Variants in MYO18A observed in about 807,000 individuals in gnomAD.
The protein encoded by MYO18A is myosin XVIIIA, also known as unconventional myosin-XVIIIa.
In MYO18A, 78 loss-of-function variants were observed where a neutral mutation model predicts 235.8. That is an observed-to-expected ratio of 0.33 (90% CI 0.28 to 0.40). The LOEUF (loss-of-function observed/expected upper bound fraction) is 0.40. Among genes scored for constraint, MYO18A ranks in the 10% least tolerant of loss-of-function variants. The pLI, the probability that MYO18A is intolerant of heterozygous loss-of-function variation, is 1.00. For synonymous variants in MYO18A, 977 were observed against 1,077.8 expected, an observed-to-expected ratio of 0.91 and a Z score of 1.83; for missense variants, 2,215 against 2,699.3, an observed-to-expected ratio of 0.82 and a Z score of 3.98.
chr17:29,152,429 A>G (rs1388464744), intron 2 of MYO18A, among the ~76,000 whole-genome samples: 1 of 152,196 alleles, frequency 6.6e-6, no homozygotes, highest in Non-Finnish European at 1.5e-5. Flanking sequence ...AATTTTAAAA[A>G]CTGGAATCAA....
intron 26 of MYO18A, 91 bp downstream of exon 26, chr17:29,097,697 A>G (rs1274298765): frequency 1.0e-5 from 11 of 1,095,824 alleles, no homozygotes; most frequent in Non-Finnish European, 1.5e-5. Flanking sequence ...TGGAGGGGAG[A>G]CAGGCCTGGA....
At position 29,090,608 on chromosome 17, in the gene MYO18A, C is replaced by G. The variant is rs773868207; in HGVS notation, c.5312G>C (p.Arg1771Pro). 6.3e-7 allele frequency: 1 copy of G among 1,598,640 alleles called. No homozygotes were observed. Residue 1771 changes from arginine (R) to proline (P), a missense_variant, in exon 36 of 42, where the codon CGG (arginine) becomes CCG (proline). Transcript: ENST00000527372. ...KHKAAVAQASRDLAQINDLQA... is the reference protein window; with the variant it reads ...KHKAAVAQASPDLAQINDLQA... ...GAGATCATTTATCTGAGCCAGGTCC[C>G]GGGAAGCCTGGGAAAGGAATGAGAG...
At chr17:29,096,625 A>G (rs1283563607) in intron 28 of MYO18A, 136 bp downstream of exon 28, 4 of 1,168,822 alleles carry the variant, frequency 3.4e-6, no homozygotes, top group Non-Finnish European at 4.6e-6. Context: ...TCACGTTCCA[A>G]GATGAGTGAC....
intron 20 of MYO18A, 81 bp from the exon 21 acceptor site, chr17:29,103,745 C>T: frequency 7.4e-7 from 1 of 1,344,766 alleles, no homozygotes; most frequent in Non-Finnish European, 1.1e-6. Context: ...CTTGGCCCTT[C>T]CCCTCCCTCC....
chr17:29,108,833 G>C (rs553684178), intron 19 of MYO18A, among the ~76,000 whole-genome samples: 1 of 152,182 alleles, frequency 6.6e-6, no homozygotes, highest in Admixed American at 6.5e-5. Context: ...GCTGGGGGCC[G>C]GGTGAGGGAA....
Position 29,090,628 on chromosome 17 carries a change from T to A in MYO18A, c.5305-13A>T. 1 of 1,595,518 alleles carries A rather than the reference T, an allele frequency of 6.3e-7. No homozygotes were observed. Among genetic ancestry groups the A allele is most frequent in the Non-Finnish European group, 8.5e-7 (1 of 1,170,328 alleles). On this transcript the variant is annotated splice_polypyrimidine_tract_variant and intron_variant, in intron 35 of 41. Transcript: ENST00000527372. ...GGTCCCGGGAAGCCTGGGAAAGGAA[T>A]GAGAGCATCAGAAGCAGGATCCCCC...
In MYO18A at chr17:29,111,669, C is replaced by T; in HGVS notation, c.2740+53G>A. 6.2e-7 allele frequency: 1 copy of T among 1,611,948 alleles called. No individual in the cohort carries two copies. On this transcript the variant is annotated intron_variant, in intron 16 of 41. Coordinates refer to ENST00000527372, the MANE Select transcript of MYO18A (RefSeq NM_078471.4). The surrounding 1 kb of genome is among the most constrained non-coding windows in gnomAD (Gnocchi z 5.1). ...CCCTCCCAGGGAGTGCCACCTGGAC[C>T]CACCTGTATGTAAGAGGAAGCAGAG...
chr17:29,092,335 C>T lies in MYO18A; in HGVS notation c.5187+8G>A. 6.2e-7 allele frequency: 1 copy of T among 1,605,642 alleles called. No homozygotes were observed. The highest frequency in any genetic ancestry group is 8.5e-7 in the Non-Finnish European group (1 of 1,177,652). On this transcript the variant is annotated splice_region_variant and intron_variant, in intron 34 of 41. Coordinates refer to ENST00000527372, the MANE Select transcript of MYO18A (RefSeq NM_078471.4). ...CCGAGCTCTGCCCCGGGCACCTTGG[C>T]CCCTCACCGCTGTCTTGGCTTTGGC...
Position 29,120,309 on chromosome 17 carries a change from GC to G in MYO18A, c.1728+306del, listed in dbSNP as rs1430974490. On this transcript the variant is annotated intron_variant, in intron 7 of 41. Transcript: ENST00000527372. This position sits in a 1 kb window ranked among gnomAD's most constrained non-coding sequence, Gnocchi z 4.2. Reference sequence around the variant, plus strand: ...GCTAGGTGAAATCGGCCCGAGAGAAGCCCCGAGCATGAATCTCAGAAAGTGG... The same window carrying G: ...GCTAGGTGAAATCGGCCCGAGAGAAGCCCGAGCATGAATCTCAGAAAGTGG... 2.6e-5 allele frequency among the ~76,000 whole-genome samples: 4 copies of G among 152,152 alleles called. No homozygotes were observed. The highest frequency in any genetic ancestry group is 4.4e-5 in the Non-Finnish European group (3 of 68,040).
chr17:29,091,098 C>T (rs976659265), intron 34 of MYO18A, 172 bp from the exon 35 acceptor site: 10 of 597,608 alleles, frequency 1.7e-5, no homozygotes, highest in Non-Finnish European at 3.0e-5. Flanking sequence ...CGCTCTGGAC[C>T]AGGGAGATGA....
intron 2 of MYO18A, among the ~76,000 whole-genome samples, chr17:29,134,413 G>A (rs1427361415): frequency 2.0e-5 from 3 of 152,058 alleles, no homozygotes. Context: ...AAGCCACTTC[G>A]CCTCTTTGGG....
intron 2 of MYO18A, among the ~76,000 whole-genome samples, chr17:29,127,066 AC>A (rs1567615882): frequency 6.6e-6 from 1 of 152,230 alleles, no homozygotes; most frequent in African/African-American, 2.4e-5. Flanking sequence ...TTTATGGAGC[AC>A]CCACCATGCC....
At chr17:29,173,629 C>A (rs568090218) in intron 1 of MYO18A, among the ~76,000 whole-genome samples, 2 of 150,338 alleles carry the variant, frequency 1.3e-5, no homozygotes, top group South Asian at 2.1e-4. Context: ...CCTCGTGATC[C>A]GCCCGCCTCG....
rs547485447 is a variant in MYO18A at position 29,116,543 on chromosome 17, A to G, written c.2039-88T>C. ...CAATAGAGCTCGCCGCCTCGGAGGG[A>G]CCGTGGGGCGGGGGTGTTGTGAGGA... On this transcript the variant is annotated intron_variant, in intron 10 of 41. Coordinates refer to ENST00000527372, the MANE Select transcript of MYO18A (RefSeq NM_078471.4). The G allele has an allele frequency of 2.6e-6, 4 of 1,536,328 alleles. No individual in the cohort carries two copies. In the African/African-American group the frequency reaches 5.5e-5, roughly 21 times the overall value.
At chr17:29,173,744 C>G (rs2068460830) in intron 1 of MYO18A, among the ~76,000 whole-genome samples, 1 of 152,084 alleles carries the variant, frequency 6.6e-6, no homozygotes, top group Admixed American at 6.6e-5. Context: ...AATGTATTTT[C>G]AGAGGTCAAG....
chr17:29,103,458 G>T (rs2066705037), intron 21 of MYO18A, 141 bp downstream of exon 21: 5 of 795,906 alleles, frequency 6.3e-6, no homozygotes, highest in Non-Finnish European at 1.0e-5. Context: ...TGGCTGGGCG[G>T]GGTGGAGCTG....
chr17:29,165,931 GA>G lies in MYO18A; in HGVS notation c.999+10del. ...TCCCTGCTTAGCCCAGGTGCCCAGG[GA>G]AGCACTCACATCGGATGGCTCCCTG... On this transcript the variant is annotated intron_variant, in intron 2 of 41. Coordinates refer to ENST00000527372, the MANE Select transcript of MYO18A (RefSeq NM_078471.4). The G allele has an allele frequency of 1.2e-6, 2 of 1,607,348 alleles. No individual in the cohort carries two copies. The highest frequency in any genetic ancestry group is 1.7e-6 in the Non-Finnish European group (2 of 1,176,040).
chr17:29,074,197 C>T lies in MYO18A; in HGVS notation c.*573G>A, dbSNP rs760971528. 6.3e-7 allele frequency: 1 copy of T among 1,594,616 alleles called. No homozygotes were observed. Among genetic ancestry groups the T allele is most frequent in the East Asian group, 2.2e-5 (1 of 44,586 alleles). ...CTCTGAAGGGTGAAGATGGAGATGA[C>T]ATTCCCGAGTCGTTCTTGGGAGCCC... On this transcript the variant is annotated 3_prime_UTR_variant, in exon 42 of 42. Transcript: ENST00000527372. The surrounding 1 kb of genome is among the most constrained non-coding windows in gnomAD (Gnocchi z 4.4).
chr17:29,097,693 G>A (rs2066553187), intron 26 of MYO18A, 95 bp downstream of exon 26: 1 of 1,068,146 alleles, frequency 9.4e-7, no homozygotes, highest in Non-Finnish European at 1.4e-6. Flanking sequence ...CCCATGGAGG[G>A]GAGACAGGCC....
Sources: gnomAD v4.1 joint callset for allele counts (sites outside exome capture counted in the v4.1 genomes callset) on GRCh38, gnomAD v4.1.1 for gene constraint, Gnocchi (gnomAD v3.1) non-coding constraint, MANE v1.5 for transcripts, NCBI Gene and HGNC (gene_info 2026-07-23, HGNC 2026-07-21) for gene names.